Variants in IFT52 observed in about 807,000 individuals in gnomAD.
IFT52 encodes the protein intraflagellar transport protein 52 homolog.
Under a neutral mutation model 54.4 loss-of-function variants are expected in IFT52, and 44 were observed. The observed-to-expected ratio is 0.81, with a 90% CI of 0.63 to 1.04. The LOEUF is 1.04. IFT52 is among the 50% of genes least tolerant of loss of function. IFT52 has a pLI of 0.00. For synonymous variants in IFT52, 181 were observed against 185.3 expected (o/e 0.98, Z 0.19); for missense variants, 452 against 523.6 (o/e 0.86, Z 1.33).
chr20:43,634,291 G>C (rs976028163), intron 10 of IFT52, among the ~76,000 whole-genome samples: 1 of 152,020 alleles, frequency 6.6e-6, no homozygotes, highest in Non-Finnish European at 1.5e-5. Flanking sequence ...TGAGTGATAT[G>C]GGAAGAATAA....
intron 9 of IFT52, 96 bp downstream of exon 9, chr20:43,621,021 A>T: frequency 1.2e-6 from 1 of 849,768 alleles, no homozygotes; most frequent in Non-Finnish European, 2.0e-6. Context: ...GACTGTCTTA[A>T]CTCATCTGTA....
Position 43,624,018 on chromosome 20 carries a change from A to G in IFT52, c.896A>G (p.Asp299Gly), listed in dbSNP as rs1457379694. 1 of 1,614,000 alleles carries G rather than the reference A, an allele frequency of 6.2e-7. No individual in the cohort carries two copies. The highest frequency in any genetic ancestry group is 8.5e-7 in the Non-Finnish European group (1 of 1,180,028). Residue 299 changes from aspartate (D) to glycine (G), a missense_variant, in exon 10 of 14, where the codon GAT becomes GGT. Transcript: ENST00000373030. ...TTCGACCTGTCCATCTTCCAGCTGG[A>G]TACCACCTCCTTCCACAGCGTCATC... ...TLFDLSIFQL[D>G]TTSFHSVIEA...
At chr20:43,611,500 A>G (rs1478172271) in intron 6 of IFT52, among the ~76,000 whole-genome samples, 2 of 121,430 alleles carry the variant, frequency 1.6e-5, no homozygotes, top group Non-Finnish European at 3.2e-5. Flanking sequence ...CTGGAGTGCA[A>G]TGGCACCATC....
chr20:43,637,750 G>T (rs1230296843), intron 12 of IFT52, among the ~76,000 whole-genome samples: 1 of 152,112 alleles, frequency 6.6e-6, no homozygotes, highest in East Asian at 1.9e-4. Flanking sequence ...AGGCTATTTA[G>T]TTCAGTGAAT....
chr20:43,596,180 A>G (rs1250812953), intron 2 of IFT52, among the ~76,000 whole-genome samples: 1 of 152,214 alleles, frequency 6.6e-6, no homozygotes, highest in Non-Finnish European at 1.5e-5. Context: ...GTAGTTGCAG[A>G]CTTCCTTATG....
intron 6 of IFT52, chr20:43,605,298 C>T: frequency 8.4e-7 from 1 of 1,192,546 alleles, no homozygotes; most frequent in Non-Finnish European, 1.1e-6. Context: ...GTAATCCTAG[C>T]ACTTTTGGGA....
intron 10 of IFT52, among the ~76,000 whole-genome samples, chr20:43,633,591 C>T (rs6073164): frequency 6.6e-6 from 1 of 151,808 alleles, no homozygotes; most frequent in Non-Finnish European, 1.5e-5. Context: ...GTTTGTAGTC[C>T]TAGCTACTCG....
intron 9 of IFT52, among the ~76,000 whole-genome samples, chr20:43,622,513 G>C (rs1984380490): frequency 1.3e-5 from 2 of 151,836 alleles, no homozygotes; most frequent in African/African-American, 4.8e-5. Flanking sequence ...TGAGGCGGGA[G>C]AATGGCATGA....
chr20:43,614,998 G>A (rs970856805), intron 7 of IFT52, among the ~76,000 whole-genome samples: 3 of 151,766 alleles, frequency 2.0e-5, no homozygotes, highest in African/African-American at 7.3e-5. Context: ...TGGGAGAGAT[G>A]GAGTTTCACT....
At chr20:43,605,530 G>A (rs1257596935) in intron 6 of IFT52, among the ~76,000 whole-genome samples, 3 of 152,132 alleles carry the variant, frequency 2.0e-5, no homozygotes, top group African/African-American at 7.2e-5. Flanking sequence ...CTGGGCAACA[G>A]AGCAAGACTC....
At chr20:43,646,067 C>T (rs187439858) in intron 13 of IFT52, among the ~76,000 whole-genome samples, 117 of 151,696 alleles carry the variant, frequency 7.7e-4, no homozygotes, top group Middle Eastern at 3.4e-3. Context: ...AAAAATTAGC[C>T]GCGCGTGGTG....
chr20:43,597,310 G>C (rs1300469401), intron 3 of IFT52, among the ~76,000 whole-genome samples: 2 of 149,656 alleles, frequency 1.3e-5, no homozygotes, highest in Non-Finnish European at 3.0e-5. Flanking sequence ...GGCGGAGCTT[G>C]CTGTGTGCCA....
chr20:43,647,213 T>G lies in IFT52; in HGVS notation c.*230T>G. ...TAAATGTATGGTTGCATCTGTCTTTTTATACCCTATGAAACAGTCTTGATT... is the reference window on the plus strand; with the variant it reads ...TAAATGTATGGTTGCATCTGTCTTTGTATACCCTATGAAACAGTCTTGATT... On this transcript the variant is annotated 3_prime_UTR_variant, in exon 14 of 14. Coordinates refer to ENST00000373030, the MANE Select transcript of IFT52 (RefSeq NM_016004.5). 1.8e-6 allele frequency: 1 copy of G among 558,190 alleles called. No homozygotes were observed. The highest frequency in any genetic ancestry group is 3.0e-5 in the East Asian group (1 of 33,664). The allele number at this position is 558,190 out of a possible 1,614,324, so 34.6% of individuals were successfully genotyped here.
intron 6 of IFT52, among the ~76,000 whole-genome samples, chr20:43,605,591 TC>T (rs1160234144): frequency 6.6e-6 from 1 of 152,128 alleles, no homozygotes; most frequent in Non-Finnish European, 1.5e-5. Flanking sequence ...TTTTTTTTTT[TC>T]CATGTATAAA....
intron 3 of IFT52, 146 bp from the exon 4 acceptor site, chr20:43,603,614 G>C (rs375043512): frequency 3.1e-5 from 21 of 668,722 alleles, no homozygotes; most frequent in African/African-American, 5.6e-5. Context: ...CCTACATAGA[G>C]AGTACTTTTT....
At chr20:43,598,558 G>A (rs1284013406) in intron 3 of IFT52, among the ~76,000 whole-genome samples, 1 of 152,090 alleles carries the variant, frequency 6.6e-6, no homozygotes, top group Non-Finnish European at 1.5e-5. Context: ...AGCCGGGCTT[G>A]GTGGCACATG....
chr20:43,629,651 A>C (rs937656728), intron 10 of IFT52, among the ~76,000 whole-genome samples: 12 of 152,194 alleles, frequency 7.9e-5, no homozygotes, highest in Non-Finnish European at 1.3e-4. Context: ...TGTTTACAAC[A>C]ATTCTGAAAA....
intron 7 of IFT52, 56 bp from the exon 8 acceptor site, chr20:43,618,884 G>A (rs1383075639): frequency 1.8e-6 from 2 of 1,106,100 alleles, no homozygotes; most frequent in African/African-American, 3.1e-5. Context: ...TGGGTACTAG[G>A]ATACATGAGA....
At chr20:43,614,242 T>A (rs917205642) in intron 7 of IFT52, among the ~76,000 whole-genome samples, 13 of 141,526 alleles carry the variant, frequency 9.2e-5, no homozygotes, top group Admixed American at 2.8e-4. Flanking sequence ...GTATTATAAC[T>A]TTTTTTTTTT....
Sources: gnomAD v4.1 joint callset for allele counts (sites outside exome capture counted in the v4.1 genomes callset) on GRCh38, gnomAD v4.1.1 for gene constraint, MANE v1.5 for transcripts, NCBI Gene and HGNC (gene_info 2026-07-23, HGNC 2026-07-21) for gene names.